The following SETD5 variants were observed in gnomAD, a reference collection of about 807,000 sequenced individuals.
SETD5 encodes histone-lysine N-methyltransferase SETD5.
In SETD5, 44 loss-of-function variants were observed where a neutral mutation model predicts 153.3. That is an observed-to-expected ratio of 0.29 (90% CI 0.23 to 0.37). The LOEUF (loss-of-function observed/expected upper bound fraction) is 0.37, where lower values mean the gene tolerates loss of function less well. Ranked by LOEUF, SETD5 falls within the 10% of genes least tolerant of loss-of-function variation. The pLI is 1.00. For missense variants in SETD5, 1,544 were observed against 1,768.0 expected, an observed-to-expected ratio of 0.87 and a Z score of 2.27; for synonymous variants, 716 against 645.2, an observed-to-expected ratio of 1.11 and a Z score of -1.66.
At position 9,476,247 on chromosome 3, in the gene SETD5, A is replaced by C; in HGVS notation, c.*156A>C. 1 of 1,056,130 alleles carries C rather than the reference A, an allele frequency of 9.5e-7. No homozygotes were observed. Among genetic ancestry groups the C allele is most frequent in the Non-Finnish European group, 1.3e-6 (1 of 753,014 alleles). 65.4% of individuals were successfully genotyped at this position (1,056,130 alleles called of 1,614,324 possible). ...ACAAGAAACAAGACTTGTGGTCACA[A>C]TTGGCCTCTGGCCTTGGAGAAAGCT... On this transcript the variant is annotated 3_prime_UTR_variant, in exon 23 of 23. Coordinates refer to ENST00000402198, the MANE Select transcript of SETD5 (RefSeq NM_001080517.3).
In SETD5 at chr3:9,399,441, T is replaced by G. The variant is rs967122505; in HGVS notation, c.-177+1464T>G. Among the ~76,000 whole-genome samples, 2 of 152,234 alleles carry G rather than the reference T, an allele frequency of 1.3e-5. 1 individual carries two copies. The highest frequency in any genetic ancestry group is 4.1e-4 in the South Asian group (2 of 4,828). ...ATAGAGGACGTAGGGCTTTTTTTTT[T>G]CTATTGGATTTCTTCCAGTTTTCTC... On this transcript the variant is annotated intron_variant, in intron 1 of 22. Transcript: ENST00000402198.
rs1021258600 is a variant in SETD5, at chr3:9,420,745, T to C, written c.-176-3722T>C. Among the ~76,000 whole-genome samples the C allele has an allele frequency of 3.3e-5, 5 of 152,300 alleles. No homozygotes were observed. In the South Asian group the frequency reaches 1.0e-3, roughly 32 times the overall value. On this transcript the variant is annotated intron_variant, in intron 1 of 22. Coordinates refer to ENST00000402198, the MANE Select transcript of SETD5 (RefSeq NM_001080517.3). ...TGTTCCAAATACATGAACTTTTCAC[T>C]GTATCTCCAAGTGCTCTTTTAGAGT...
chr3:9,456,309 C>G (rs1169047443), intron 17 of SETD5, among the ~76,000 whole-genome samples: 1 of 151,866 alleles, frequency 6.6e-6, no homozygotes, highest in Non-Finnish European at 1.5e-5. Flanking sequence ...AACCCTGTCT[C>G]TACTAAAAAT....
At chr3:9,463,991 A>G (rs1486829969) in intron 17 of SETD5, among the ~76,000 whole-genome samples, 1 of 152,122 alleles carries the variant, frequency 6.6e-6, no homozygotes, top group African/African-American at 2.4e-5. Flanking sequence ...AGCCAGGTGT[A>G]GTGGTGCATG....
chr3:9,443,927 C>T (rs1255003396), intron 11 of SETD5, among the ~76,000 whole-genome samples: 4 of 152,022 alleles, frequency 2.6e-5, no homozygotes, highest in Non-Finnish European at 4.4e-5. Flanking sequence ...CTGGGCGTGG[C>T]GGCACACGCC....
At chr3:9,455,168 CTT>C (rs903600741) in intron 17 of SETD5, among the ~76,000 whole-genome samples, 3 of 99,898 alleles carry the variant, frequency 3.0e-5, no homozygotes, top group Non-Finnish European at 3.9e-5. Context: ...TTCTTTTTTT[CTT>C]TTTTTTTTTT....
intron 19 of SETD5, among the ~76,000 whole-genome samples, chr3:9,472,434 A>G (rs1348567362): frequency 6.6e-6 from 1 of 152,088 alleles, no homozygotes; most frequent in Non-Finnish European, 1.5e-5. Flanking sequence ...GTGGGATGGG[A>G]GGTCTGCTGT....
chr3:9,473,423 A>G lies in SETD5; in HGVS notation c.3383A>G (p.Lys1128Arg). The G allele has an allele frequency of 1.2e-6, 2 of 1,613,978 alleles. No individual in the cohort carries two copies. Among genetic ancestry groups the G allele is most frequent in the South Asian group, 1.1e-5 (1 of 91,070 alleles). The change falls in exon 20 of 23, where the codon AAA (lysine) becomes AGA (arginine). Residue 1128 changes from lysine to arginine, a missense_variant. Lys to Arg is a conservative substitution (Grantham distance 26, BLOSUM62 2). Transcript: ENST00000402198. The part of the protein sequence containing the change: ...SSARTPSSPH[K>R]KFSPSHSSMS... ...GCCCGAACTCCATCTTCCCCTCACA[A>G]AAAATTCTCCCCATCTCATTCCTCT... is the stretch of plus-strand genomic sequence containing the variant.
chr3:9,425,055 C>CTTTTTTTTTTTTTTTTTTTTTTT lies in SETD5; in HGVS notation c.-117+530_-117+552dup, dbSNP rs778883904. Among the ~76,000 whole-genome samples the CTTTTTTTTTTTTTTTTTTTTTTT allele has an allele frequency of 1.3e-4, 11 of 83,642 alleles. 1 individual carries two copies. Among genetic ancestry groups the CTTTTTTTTTTTTTTTTTTTTTTT allele is most frequent in the African/African-American group, 4.9e-4 (10 of 20,436 alleles). 54.9% of individuals were successfully genotyped at this position (83,642 alleles called of 152,430 possible). A position where few individuals can be genotyped will look rare whatever the true frequency, so the allele number is the denominator to read the frequency against. On this transcript the variant is annotated intron_variant, in intron 2 of 22. Coordinates refer to ENST00000402198, the MANE Select transcript of SETD5 (RefSeq NM_001080517.3). Reference sequence around the variant, plus strand: ...AAATTTATAGTTACCGACAATGTTTCTTTTTTTTTTTTTTTTTTTTTTTGA... The same window carrying CTTTTTTTTTTTTTTTTTTTTTTT: ...AAATTTATAGTTACCGACAATGTTTCTTTTTTTTTTTTTTTTTTTTTTTTTTTTTTTTTTTTTTTTTTTTTTGA...
At chr3:9,400,649 T>G (rs1049508536) in intron 1 of SETD5, among the ~76,000 whole-genome samples, 3 of 152,258 alleles carry the variant, frequency 2.0e-5, no homozygotes, top group Admixed American at 2.0e-4. Context: ...CTTTGGAGTT[T>G]GACTTATAAG....
Position 9,448,602 on chromosome 3 carries a change from C to T in SETD5, c.2318C>T (p.Pro773Leu). 1 of 1,603,074 alleles carries T rather than the reference C, an allele frequency of 6.2e-7. No individual in the cohort carries two copies. Among genetic ancestry groups the T allele is most frequent in the Non-Finnish European group, 8.5e-7 (1 of 1,172,936 alleles). ...IPERRRRPLL[P>L]DGTFSSCKKR... ...GAGAGACGTCGAAGGCCCCTTCTGCCTGATGGCACATTCAGCTCCTGTAAG... is the reference window on the plus strand; with the variant it reads ...GAGAGACGTCGAAGGCCCCTTCTGCTTGATGGCACATTCAGCTCCTGTAAG... The change falls in exon 16 of 23, where the codon CCT (proline) becomes CTT (leucine). Residue 773 changes from proline to leucine, a missense_variant. Physicochemically the swap from Pro to Leu is moderately conservative, Grantham distance 98 (BLOSUM62 -3). Around this residue, in one of 9 missense-constraint regions of SETD5, gnomAD observed 782 missense variants for 787.2 expected, o/e 0.99. Coordinates refer to ENST00000402198, the MANE Select transcript of SETD5 (RefSeq NM_001080517.3).
chr3:9,468,787 CG>C (rs778868510), intron 18 of SETD5, among the ~76,000 whole-genome samples: 6 of 150,698 alleles, frequency 4.0e-5, no homozygotes, highest in South Asian at 4.2e-4. Context: ...AAGGTAGGAG[CG>C]TGTGTGTTTG....
chr3:9,439,424 T>G (rs999047608), intron 7 of SETD5, among the ~76,000 whole-genome samples: 1 of 152,228 alleles, frequency 6.6e-6, no homozygotes, highest in African/African-American at 2.4e-5. Context: ...TCTGTGCCAT[T>G]CATAGAAAGT....
chr3:9,438,193 C>T (rs574291036), intron 7 of SETD5, among the ~76,000 whole-genome samples: 3 of 152,270 alleles, frequency 2.0e-5, no homozygotes, highest in Admixed American at 6.5e-5. Context: ...AGCTACAGAG[C>T]ATCAGAGGCC....
intron 1 of SETD5, among the ~76,000 whole-genome samples, chr3:9,416,390 A>G (rs1160595029): frequency 6.6e-6 from 1 of 152,182 alleles, no homozygotes; most frequent in Non-Finnish European, 1.5e-5. Context: ...GTATATTGGC[A>G]TATAGCAAAT....
chr3:9,435,785 T>G lies in SETD5; in HGVS notation c.446T>G (p.Leu149Trp). The G allele has an allele frequency of 2.5e-6, 4 of 1,604,622 alleles. No individual in the cohort carries two copies. Among genetic ancestry groups the G allele is most frequent in the Non-Finnish European group, 3.4e-6 (4 of 1,175,458 alleles). The change falls in exon 7 of 23, where the codon TTG becomes TGG. Residue 149 changes from leucine to tryptophan, a missense_variant. Physicochemically the swap from Leu to Trp is moderately conservative, Grantham distance 61. Around this residue, in one of 9 missense-constraint regions of SETD5, gnomAD observed 251 missense variants for 326.9 expected, o/e 0.77. Transcript: ENST00000402198. The part of the protein sequence containing the change: ...WDEELSPSTV[L>W]YTATQHTPTS... ...GAGGAGCTTTCTCCTTCCACTGTGT[T>G]GTATACAGCAACACAGCACACACCT...
intron 1 of SETD5, among the ~76,000 whole-genome samples, chr3:9,422,725 A>G (rs2124938831): frequency 6.6e-6 from 1 of 152,344 alleles, no homozygotes. Context: ...TTTGTCAGAC[A>G]CTGAAATTGA....
intron 2 of SETD5, chr3:9,426,015 A>T (rs2648587): frequency 0.95 from 145,016 of 152,004 alleles, 69,414 homozygotes; most frequent in African/African-American, 0.98. Flanking sequence ...TAGAAAGAGT[A>T]GTGACCAACA....
chr3:9,448,247 A>T (rs1001403849), intron 15 of SETD5, 141 bp from the exon 16 acceptor site: 54 of 1,321,426 alleles, frequency 4.1e-5, no homozygotes, highest in Middle Eastern at 4.5e-4. Context: ...GAAGGAAGAT[A>T]TCCTTGTGTT....
Sources: allele counts gnomAD v4.1 joint callset (sites outside exome capture counted in the v4.1 genomes callset), GRCh38; gene constraint gnomAD v4.1.1; regional missense constraint gnomAD v4.1.1; transcripts MANE v1.5; gene names NCBI Gene and HGNC (gene_info 2026-07-23, HGNC 2026-07-21).